Variants in MYOM2 observed in about 807,000 individuals in gnomAD.
MYOM2 encodes myomesin 2.
In MYOM2, 254 loss-of-function variants were observed where a neutral mutation model predicts 187.6. The ratio of observed to expected loss-of-function variants is 1.35; its 90% CI spans 1.22 to 1.50. MYOM2 has a LOEUF of 1.50. Ranked by LOEUF, MYOM2 falls within the 40% of genes most tolerant of loss-of-function variation. MYOM2 has a pLI of 0.00. For missense variants in MYOM2, 2,796 were observed against 1,924.0 expected, an observed-to-expected ratio of 1.45 and a Z score of -8.48; for synonymous variants, 981 against 753.8, an observed-to-expected ratio of 1.30 and a Z score of -4.94.
At chr8:2,086,307 C>A (rs1417538425) in intron 14 of MYOM2, among the ~76,000 whole-genome samples, 3 of 143,528 alleles carry the variant, frequency 2.1e-5, no homozygotes, top group Admixed American at 7.0e-5. Context: ...CGCGTGGCCC[C>A]CCACAGTCGT....
chr8:2,086,450 C>CAT (rs1796066803), intron 14 of MYOM2, among the ~76,000 whole-genome samples: 1 of 145,668 alleles, frequency 6.9e-6, no homozygotes, highest in Non-Finnish European at 1.5e-5. Flanking sequence ...CCCCTACTGT[C>CAT]GTGATCTCCA....
rs368744800 is a variant in MYOM2, at chr8:2,057,615, C to A, written c.403-8C>A. 7 of 1,613,876 alleles carry A rather than the reference C, an allele frequency of 4.3e-6. No homozygotes were observed. Among genetic ancestry groups the A allele is most frequent in the Non-Finnish European group, 5.9e-6 (7 of 1,179,898 alleles). ...TGGGAACCTGACCATCCTTGCTTCT[C>A]GGGGCAGATGGAGGACAAGCTGGCC... On this transcript the variant is annotated splice_polypyrimidine_tract_variant and splice_region_variant and intron_variant, in intron 4 of 36. Coordinates refer to ENST00000262113, the MANE Select transcript of MYOM2 (RefSeq NM_003970.4).
At chr8:2,093,411 G>A (rs997342695) in intron 16 of MYOM2, among the ~76,000 whole-genome samples, 1 of 152,196 alleles carries the variant, frequency 6.6e-6, no homozygotes, top group Non-Finnish European at 1.5e-5. Context: ...CAAAGCATCT[G>A]TGCTAAGTTG....
At chr8:2,096,598 G>C (rs954941914) in intron 18 of MYOM2, among the ~76,000 whole-genome samples, 164 bp downstream of exon 18, 1 of 152,196 alleles carries the variant, frequency 6.6e-6, no homozygotes, top group Non-Finnish European at 1.5e-5. Flanking sequence ...AAAGATCCTA[G>C]GAATCATATT....
In MYOM2 at chr8:2,143,426, G is replaced by T. The variant is rs1310999319; in HGVS notation, c.4050G>T (p.Leu1350Phe). The T allele has an allele frequency of 6.2e-7, 1 of 1,614,112 alleles. No individual in the cohort carries two copies. Among genetic ancestry groups the T allele is most frequent in the East Asian group, 2.2e-5 (1 of 44,848 alleles). Reference protein sequence around the residue: ...EKNRGRLIGGLPDVVTIMEGK... With the variant: ...EKNRGRLIGGFPDVVTIMEGK... ...ATCGTGGCAGGTTGATCGGCGGCTT[G>T]CCTGACGTGGTGACCATCATGGAAG... Residue 1350 changes from leucine (L) to phenylalanine (F), a missense_variant, in exon 36 of 37, where the codon TTG becomes TTT. Coordinates refer to ENST00000262113, the MANE Select transcript of MYOM2 (RefSeq NM_003970.4).
chr8:2,091,735 G>T lies in MYOM2; in HGVS notation c.1829-611G>T, dbSNP rs146458161. ...ACAAGACCAGCTGTCTTTGAGCAAGGCCCTGCCTTCTTGTGCTTTATGACA... is the reference window on the plus strand; with the variant it reads ...ACAAGACCAGCTGTCTTTGAGCAAGTCCCTGCCTTCTTGTGCTTTATGACA... On this transcript the variant is annotated intron_variant, in intron 15 of 36. Transcript: ENST00000262113. Among the ~76,000 whole-genome samples, 1,367 of 152,290 alleles carry T rather than the reference G, an allele frequency of 9.0e-3. 14 individuals are homozygous for T. Among genetic ancestry groups the T allele is most frequent in the African/African-American group, 0.031 (1,284 of 41,558 alleles).
chr8:2,100,998 G>A lies in MYOM2; in HGVS notation c.2563G>A (p.Asp855Asn). The A allele has an allele frequency of 1.2e-6, 2 of 1,614,186 alleles. No homozygotes were observed. Among genetic ancestry groups the A allele is most frequent in the Non-Finnish European group, 1.7e-6 (2 of 1,180,022 alleles). ...ATATTTCGTGGACTTCAGGGAGGAG[G>A]ATGCTGGAGAGTGGATCACTGTCAA... Reference protein sequence around the residue: ...SGYFVDFREEDAGEWITVNQT... With the variant: ...SGYFVDFREENAGEWITVNQT... The change falls in exon 20 of 37, where the codon GAT (aspartate) becomes AAT (asparagine). Residue 855 changes from aspartate to asparagine, a missense_variant. Physicochemically the swap from Asp to Asn is conservative, Grantham distance 23. Coordinates refer to ENST00000262113, the MANE Select transcript of MYOM2 (RefSeq NM_003970.4).
intron 13 of MYOM2, among the ~76,000 whole-genome samples, chr8:2,081,519 G>T (rs1372890010): frequency 6.6e-6 from 1 of 152,370 alleles, no homozygotes; most frequent in African/African-American, 2.4e-5. Flanking sequence ...GGATCACGCT[G>T]AGTGGATGTG....
chr8:2,131,002 C>G (rs1196935678), intron 32 of MYOM2, among the ~76,000 whole-genome samples: 2 of 152,180 alleles, frequency 1.3e-5, no homozygotes, highest in Non-Finnish European at 2.9e-5. Context: ...GTCCTGCCAT[C>G]CGTCATAAAC....
intron 14 of MYOM2, among the ~76,000 whole-genome samples, chr8:2,086,298 G>T (rs1208856098): frequency 2.9e-5 from 4 of 136,344 alleles, no homozygotes; most frequent in Admixed American, 1.5e-4. Flanking sequence ...CGTGATCTCC[G>T]CGTGGCCCCC....
intron 29 of MYOM2, 63 bp from the exon 30 acceptor site, chr8:2,123,486 AGAGTTT>A: frequency 6.7e-7 from 1 of 1,485,214 alleles, no homozygotes; most frequent in African/African-American, 1.4e-5. Context: ...AAAATGTATT[AGAGTTT>A]ATTACGTTTT....
intron 32 of MYOM2, among the ~76,000 whole-genome samples, chr8:2,135,655 T>G (rs899934101): frequency 3.3e-5 from 5 of 152,224 alleles, no homozygotes; most frequent in African/African-American, 1.2e-4. Flanking sequence ...CATTTTAACT[T>G]TAGTTTGGAA....
At chr8:2,136,501 C>T (rs888115246) in intron 32 of MYOM2, among the ~76,000 whole-genome samples, 13 of 152,194 alleles carry the variant, frequency 8.5e-5, no homozygotes, top group African/African-American at 2.9e-4. Flanking sequence ...GTTCTTCCCC[C>T]AGATTGTGTG....
Position 2,076,142 on chromosome 8 carries a change from T to C in MYOM2, c.1122T>C (p.Asp374=). The change falls in exon 11 of 37, where the codon GAT becomes GAC. Residue 374 remains aspartate (D), a splice_region_variant and synonymous_variant. Coordinates refer to ENST00000262113, the MANE Select transcript of MYOM2 (RefSeq NM_003970.4). ...TGCCTTTTCTCTCCCTGCCCCAAGA[T>C]GCTGACCCGCTGGTCACAGGGGCCC... ...SDHSAFLFVR[D]ADPLVTGAPG... 6.2e-7 allele frequency: 1 copy of C among 1,611,452 alleles called. No individual in the cohort carries two copies. Among genetic ancestry groups the C allele is most frequent in the Non-Finnish European group, 8.5e-7 (1 of 1,179,408 alleles).
chr8:2,092,321 C>T lies in MYOM2; in HGVS notation c.1829-25C>T, dbSNP rs778278345. On this transcript the variant is annotated intron_variant, in intron 15 of 36. Transcript: ENST00000262113. Reference sequence around the variant, plus strand: ...TTCCAAAGCTCTGATGCCATTTCACCACTCCTTTTGTCTCCTACGAAAAGT... The same window carrying T: ...TTCCAAAGCTCTGATGCCATTTCACTACTCCTTTTGTCTCCTACGAAAAGT... The T allele has an allele frequency of 5.6e-6, 9 of 1,609,876 alleles. No homozygotes were observed. In the East Asian group the frequency reaches 1.1e-4, roughly 20 times the overall value.
chr8:2,115,715 C>T (rs1027985930), intron 25 of MYOM2, among the ~76,000 whole-genome samples: 5 of 152,192 alleles, frequency 3.3e-5, no homozygotes, highest in Non-Finnish European at 5.9e-5. Context: ...GGAGTCTCTG[C>T]CTAGAAGGTC....
chr8:2,142,433 T>G, intron 35 of MYOM2, 36 bp downstream of exon 35: 1 of 1,609,986 alleles, frequency 6.2e-7, no homozygotes, highest in South Asian at 1.1e-5. Context: ...GGATGGTGAA[T>G]TATTTGGGGT....
chr8:2,083,455 G>A (rs113232637), intron 13 of MYOM2, among the ~76,000 whole-genome samples: 4 of 147,358 alleles, frequency 2.7e-5, no homozygotes, highest in East Asian at 2.0e-4. Flanking sequence ...GCGGCATCTC[G>A]CATGTGCTTA....
chr8:2,133,181 A>G (rs138762793), intron 32 of MYOM2, among the ~76,000 whole-genome samples: 1 of 152,288 alleles, frequency 6.6e-6, no homozygotes, highest in African/African-American at 2.4e-5. Flanking sequence ...TGGGTATGTT[A>G]AGGTCCCCTC....
Sources: gnomAD v4.1 joint callset for allele counts (sites outside exome capture counted in the v4.1 genomes callset) on GRCh38, gnomAD v4.1.1 for gene constraint, MANE v1.5 for transcripts, NCBI Gene and HGNC (gene_info 2026-07-23, HGNC 2026-07-21) for gene names.